The following CTSC variants were observed in gnomAD, a reference collection of about 807,000 sequenced individuals.
CTSC encodes dipeptidyl peptidase 1.
Under a neutral mutation model 40.9 loss-of-function variants are expected in CTSC, and 37 were observed. That is an observed-to-expected ratio of 0.91 (90% CI 0.70 to 1.19). The LOEUF is 1.19. Ranked by LOEUF, CTSC falls within the 50% of genes most tolerant of loss-of-function variation. CTSC has a pLI of 0.00. For missense variants in CTSC, 594 were observed against 567.3 expected (o/e 1.05, Z -0.48); for synonymous variants, 232 against 207.4 (o/e 1.12, Z -1.02).
rs1002695249 is a variant in CTSC at position 88,294,410 on chromosome 11, G to C, written c.988C>G (p.Pro330Ala). 1 of 1,614,026 alleles carries C rather than the reference G, an allele frequency of 6.2e-7. No homozygotes were observed. Among genetic ancestry groups the C allele is most frequent in the Non-Finnish European group, 8.5e-7 (1 of 1,180,028 alleles). Residue 330 changes from proline (P) to alanine (A), a missense_variant, in exon 7 of 7, where the codon CCA becomes GCA. Physicochemically the swap from Pro to Ala is conservative, Grantham distance 27 (BLOSUM62 -1). Transcript: ENST00000227266. ...AAGCAGTCTTCCTTCATTTTGCATG[G>C]AGAATCAGTGCCTGTGTAGGGGAAG... ...ACFPYTGTDS[P>A]CKMKEDCFRY...
intron 2 of CTSC, 118 bp downstream of exon 2, chr11:88,334,819 G>A: frequency 2.6e-6 from 2 of 755,178 alleles, no homozygotes; most frequent in Non-Finnish European, 4.7e-6. Flanking sequence ...TGGGAAGAGT[G>A]GTGTCAATTC....
chr11:88,313,661 T>G (rs1264742218), intron 2 of CTSC, among the ~76,000 whole-genome samples: 1 of 152,216 alleles, frequency 6.6e-6, no homozygotes, highest in Admixed American at 6.5e-5. Context: ...GGGAAAATGC[T>G]GTGCTAAATT....
intron 2 of CTSC, among the ~76,000 whole-genome samples, chr11:88,329,843 C>T (rs1262172106): frequency 2.0e-5 from 3 of 152,180 alleles, no homozygotes; most frequent in Non-Finnish European, 4.4e-5. Flanking sequence ...TCTACTGCCT[C>T]GGCCTCCCAA....
intron 2 of CTSC, among the ~76,000 whole-genome samples, chr11:88,331,870 CAG>C (rs1938367523): frequency 6.6e-6 from 1 of 151,982 alleles, no homozygotes; most frequent in Non-Finnish European, 1.5e-5. Context: ...AGGAGAAGAT[CAG>C]AGAGAGAGAT....
intron 2 of CTSC, chr11:88,323,998 A>G (rs1467251590): frequency 6.6e-6 from 1 of 152,134 alleles, no homozygotes; most frequent in Non-Finnish European, 1.5e-5. Context: ...GCATCATGCT[A>G]TCTTTCATAC....
intron 2 of CTSC, among the ~76,000 whole-genome samples, chr11:88,314,613 C>T (rs577735358): frequency 4.5e-4 from 68 of 152,212 alleles, no homozygotes; most frequent in African/African-American, 1.6e-3. Flanking sequence ...CTGCAACCTC[C>T]GCCTCCCAGG....
chr11:88,305,824 G>A (rs1027805551), intron 4 of CTSC, among the ~76,000 whole-genome samples: 1 of 152,168 alleles, frequency 6.6e-6, no homozygotes, highest in African/African-American at 2.4e-5. Context: ...TTGGCTGGAG[G>A]GAGAAGGGAG....
At position 88,331,431 on chromosome 11, in the gene CTSC, T is replaced by C. The variant is rs568374759; in HGVS notation, c.318+3506A>G. 8.5e-5 allele frequency among the ~76,000 whole-genome samples: 13 copies of C among 152,284 alleles called. No homozygotes were observed. In the East Asian group the frequency reaches 2.5e-3, roughly 29 times the overall value. On this transcript the variant is annotated intron_variant, in intron 2 of 6. Transcript: ENST00000227266. ...GTTTATGATTTATTACAAAGGATAT[T>C]TGAAAGGATATAAATACACAGGCAC... is the stretch of plus-strand genomic sequence containing the variant.
chr11:88,326,960 T>A (rs1375411012), intron 2 of CTSC, among the ~76,000 whole-genome samples: 1 of 152,092 alleles, frequency 6.6e-6, no homozygotes, highest in African/African-American at 2.4e-5. Flanking sequence ...GAGAACAGCT[T>A]ATTTTTCGTG....
chr11:88,312,239 A>T (rs1937778329), intron 3 of CTSC, 149 bp downstream of exon 3: 2 of 727,860 alleles, frequency 2.7e-6, no homozygotes, highest in Non-Finnish European at 4.6e-6. Flanking sequence ...TGGTCAATTT[A>T]TTTTTCCAGT....
Position 88,294,460 on chromosome 11 carries a change from T to C in CTSC, c.938A>G (p.Asp313Gly). ...GCAAGCTTCTTCCACCAGCCCAAAA[T>C]CTTGGGCGTACTTTCCTGCAATAAG... The part of the protein sequence containing the change: ...PYLIAGKYAQ[D>G]FGLVEEACFP... Residue 313 changes from aspartate to glycine, a missense_variant, in exon 7 of 7, where the codon GAT (aspartate) becomes GGT (glycine). Asp to Gly is a moderately conservative substitution (Grantham distance 94, BLOSUM62 -1). Coordinates refer to ENST00000227266, the MANE Select transcript of CTSC (RefSeq NM_001814.6). 3 of 1,614,130 alleles carry C rather than the reference T, an allele frequency of 1.9e-6. No homozygotes were observed. The highest frequency in any genetic ancestry group is 2.5e-6 in the Non-Finnish European group (3 of 1,180,014).
In CTSC at chr11:88,312,428, CA is replaced by C; in HGVS notation, c.444del (p.Asn148LysfsTer6). 1 of 1,614,160 alleles carries C rather than the reference CA, an allele frequency of 6.2e-7. No homozygotes were observed. Among genetic ancestry groups the C allele is most frequent in the Non-Finnish European group, 8.5e-7 (1 of 1,180,010 alleles). On this transcript the variant is annotated frameshift_variant, in exon 3 of 7. Coordinates refer to ENST00000227266, the MANE Select transcript of CTSC (RefSeq NM_001814.6). LOFTEE classifies it high-confidence loss of function. Reference sequence around the variant, plus strand: ...TTAAGGTGTGCTATGTTGACATACACATTCTCAGAGGCAGTTCCCACCTTCT... The same window carrying C: ...TTAAGGTGTGCTATGTTGACATACACTTCTCAGAGGCAGTTCCCACCTTCT... The part of the protein sequence containing the change: ...TGKKVGTASE[N>X]VYVNIAHLKN...
intron 2 of CTSC, among the ~76,000 whole-genome samples, chr11:88,326,981 A>T (rs1356691485): frequency 6.6e-6 from 1 of 152,194 alleles, no homozygotes; most frequent in Non-Finnish European, 1.5e-5. Flanking sequence ...GAAAAAAAAA[A>T]TAGTGAACCT....
intron 1 of CTSC, among the ~76,000 whole-genome samples, chr11:88,336,083 A>G (rs879905775): frequency 6.6e-6 from 1 of 152,116 alleles, no homozygotes; most frequent in Non-Finnish European, 1.5e-5. Flanking sequence ...TTATAGGCAG[A>G]GCCTTCCTGA....
At chr11:88,331,651 CAT>C (rs1938359492) in intron 2 of CTSC, among the ~76,000 whole-genome samples, 5 of 152,160 alleles carry the variant, frequency 3.3e-5, no homozygotes, top group Admixed American at 3.3e-4. Flanking sequence ...ATTGAATACA[CAT>C]GATTAAAGCA....
At chr11:88,332,642 A>G (rs796714688) in intron 2 of CTSC, among the ~76,000 whole-genome samples, 18 of 152,366 alleles carry the variant, frequency 1.2e-4, no homozygotes, top group African/African-American at 4.3e-4. Flanking sequence ...GTATCCTATT[A>G]TATTCTACTC....
At chr11:88,325,691 T>C (rs1938162188) in intron 2 of CTSC, 1 of 985,174 alleles carries the variant, frequency 1.0e-6, no homozygotes. Context: ...TTGTACCTAA[T>C]GAAAAAAGAA....
In CTSC at chr11:88,336,236, T is replaced by G. The variant is rs1476418043; in HGVS notation, c.173-1154A>C. 1.5e-4 allele frequency among the ~76,000 whole-genome samples: 9 copies of G among 60,598 alleles called. No homozygotes were observed. In the Admixed American group the frequency reaches 1.7e-3, roughly 11 times the overall value. The allele number at this position is 60,598 out of a possible 152,430, so 39.8% of individuals were successfully genotyped here. ...TTCTGCCCCAACCTTCAAACTCAAA[T>G]TTAAAAAAAAAAAAAAAAAAAAGGC... is the stretch of plus-strand genomic sequence containing the variant. On this transcript the variant is annotated intron_variant, in intron 1 of 6. Coordinates refer to ENST00000227266, the MANE Select transcript of CTSC (RefSeq NM_001814.6).
intron 2 of CTSC, among the ~76,000 whole-genome samples, chr11:88,328,996 C>G (rs1938267638): frequency 6.6e-6 from 1 of 152,090 alleles, no homozygotes; most frequent in Non-Finnish European, 1.5e-5. Flanking sequence ...AATTAGAAAG[C>G]CCTAAGATTT....
Sources: gnomAD v4.1 joint callset for allele counts (sites outside exome capture counted in the v4.1 genomes callset) on GRCh38, gnomAD v4.1.1 for gene constraint, MANE v1.5 for transcripts, NCBI Gene and HGNC (gene_info 2026-07-23, HGNC 2026-07-21) for gene names.